SWAP70: variants seen among roughly 807,000 people sequenced by gnomAD.
The protein encoded by SWAP70 is switching B cell complex subunit SWAP70.
A neutral mutation model predicts 80.2 loss-of-function variants in SWAP70; 34 were observed. The ratio of observed to expected loss-of-function variants is 0.42; its 90% CI spans 0.32 to 0.56. The LOEUF (loss-of-function observed/expected upper bound fraction) is 0.56. Ranked by LOEUF, SWAP70 falls within the 20% of genes least tolerant of loss-of-function variation. The pLI is 0.09. For synonymous variants in SWAP70, 239 were observed against 238.5 expected, an observed-to-expected ratio of 1.00 and a Z score of -0.02; for missense variants, 578 against 690.7, an observed-to-expected ratio of 0.84 and a Z score of 1.83.
chr11:9,747,032 G>A (rs569361592), intron 9 of SWAP70, among the ~76,000 whole-genome samples: 1 of 152,316 alleles, frequency 6.6e-6, no homozygotes, highest in East Asian at 1.9e-4. Flanking sequence ...CACTAGATAT[G>A]TATCCTGTCC....
At chr11:9,682,674 T>G (rs958602625) in intron 1 of SWAP70, among the ~76,000 whole-genome samples, 1 of 152,132 alleles carries the variant, frequency 6.6e-6, no homozygotes, top group African/African-American at 2.4e-5. Context: ...CTTGTCTTTA[T>G]TTTTATTTTT....
chr11:9,675,486 A>G (rs745718199), intron 1 of SWAP70, among the ~76,000 whole-genome samples: 9 of 151,886 alleles, frequency 5.9e-5, no homozygotes, highest in Non-Finnish European at 1.3e-4. Context: ...TATGGCTTAC[A>G]TAAACTACAA....
chr11:9,728,294 T>A, intron 5 of SWAP70, 95 bp downstream of exon 5: 1 of 1,211,744 alleles, frequency 8.3e-7, no homozygotes, highest in Non-Finnish European at 1.1e-6. Flanking sequence ...TCTAGAACCT[T>A]AAAATAATCC....
At chr11:9,695,122 C>T (rs1046035953) in intron 2 of SWAP70, among the ~76,000 whole-genome samples, 4 of 152,060 alleles carry the variant, frequency 2.6e-5, no homozygotes, top group African/African-American at 9.7e-5. Context: ...AACCCCATCT[C>T]TATTAAAAAT....
rs201181416 is a variant in SWAP70, at chr11:9,698,093, G to GTTTTTTTTTTTTTTTTTTTTTTTTTTT, written c.240+3813_240+3814insTTTTTTTTTTTTTTTTTTTTTTTTTTT. On this transcript the variant is annotated intron_variant, in intron 2 of 11. Transcript: ENST00000318950. ...GAGCCACCATGCCTGGCCAATACAT[G>GTTTTTTTTTTTTTTTTTTTTTTTTTTT]TTTTTTGTTTTTTTTTTTTTTTTTT... 2.7e-5 allele frequency among the ~76,000 whole-genome samples: 3 copies of GTTTTTTTTTTTTTTTTTTTTTTTTTTT among 109,582 alleles called. 1 individual carries two copies. The highest frequency in any genetic ancestry group is 1.8e-5 in the Non-Finnish European group (1 of 54,876). The allele number at this position is 109,582 out of a possible 152,430, so 71.9% of individuals were successfully genotyped here.
intron 1 of SWAP70, among the ~76,000 whole-genome samples, chr11:9,671,334 A>C (rs1191866343): frequency 8.7e-6 from 1 of 114,864 alleles, no homozygotes; most frequent in Non-Finnish European, 1.6e-5. Flanking sequence ...AAATATATAA[A>C]TATATTTAAA....
rs1472249833 is a variant in SWAP70, at chr11:9,752,114, A to G, written c.*2144A>G. The G allele has an allele frequency of 6.6e-6, 1 of 152,266 alleles. No homozygotes were observed. Among genetic ancestry groups the G allele is most frequent in the Non-Finnish European group, 1.5e-5 (1 of 68,046 alleles). The allele number at this position is 152,266 out of a possible 1,614,324, so 9.4% of individuals were successfully genotyped here. ...CCTCTGTGAAATCTATGGGATGGAA[A>G]CAGTGTGGCCTTAGGAGTCAAATAG... is the stretch of plus-strand genomic sequence containing the variant. On this transcript the variant is annotated 3_prime_UTR_variant, in exon 12 of 12. Coordinates refer to ENST00000318950, the MANE Select transcript of SWAP70 (RefSeq NM_015055.4).
At chr11:9,677,913 TCA>T (rs1850521135) in intron 1 of SWAP70, among the ~76,000 whole-genome samples, 1 of 152,216 alleles carries the variant, frequency 6.6e-6, no homozygotes, top group African/African-American at 2.4e-5. Context: ...ATCTTTTGCC[TCA>T]CAATTGGTTT....
In SWAP70 at chr11:9,732,517, C is replaced by T. The variant is rs201813371; in HGVS notation, c.899-12C>T. 5 of 1,597,262 alleles carry T rather than the reference C, an allele frequency of 3.1e-6. No individual in the cohort carries two copies. The highest frequency in any genetic ancestry group is 2.3e-5 in the East Asian group (1 of 44,340). On this transcript the variant is annotated splice_polypyrimidine_tract_variant and intron_variant, in intron 6 of 11. Coordinates refer to ENST00000318950, the MANE Select transcript of SWAP70 (RefSeq NM_015055.4). ...TCTCCCCATTTTTTTTTTCCTCCTA[C>T]ACCTTTTACAGCCATTCATTCTACT...
intron 7 of SWAP70, 71 bp from the exon 8 acceptor site, chr11:9,738,142 C>T: frequency 9.7e-7 from 1 of 1,025,894 alleles, no homozygotes; most frequent in Non-Finnish European, 1.4e-6. Flanking sequence ...TTAAGTATGA[C>T]TGTCTCTCTC....
chr11:9,691,457 G>A (rs945801901), intron 1 of SWAP70, among the ~76,000 whole-genome samples: 2 of 152,266 alleles, frequency 1.3e-5, no homozygotes, highest in African/African-American at 4.8e-5. Flanking sequence ...AAGTAAAGAT[G>A]GTTAAGAAAA....
chr11:9,714,401 T>TA (rs1851038477), intron 3 of SWAP70, among the ~76,000 whole-genome samples: 1 of 152,250 alleles, frequency 6.6e-6, no homozygotes, highest in South Asian at 2.1e-4. Flanking sequence ...ATTCTGCATT[T>TA]AAAGGGTTTA....
intron 9 of SWAP70, among the ~76,000 whole-genome samples, chr11:9,743,155 T>G (rs1462257255): frequency 6.8e-6 from 1 of 147,724 alleles, no homozygotes; most frequent in Non-Finnish European, 1.5e-5. Context: ...CGGTGTTTGG[T>G]TTTTTGTTCT....
At chr11:9,697,822 A>C (rs1850778095) in intron 2 of SWAP70, among the ~76,000 whole-genome samples, 1 of 152,242 alleles carries the variant, frequency 6.6e-6, no homozygotes, top group African/African-American at 2.4e-5. Context: ...GCTCTGTCGC[A>C]TAGGCTGAAG....
intron 1 of SWAP70, among the ~76,000 whole-genome samples, chr11:9,678,091 C>G (rs1205541645): frequency 6.6e-6 from 1 of 152,146 alleles, no homozygotes; most frequent in Non-Finnish European, 1.5e-5. Flanking sequence ...ACACAATATA[C>G]AAATGTAGTT....
At chr11:9,712,504 G>A (rs1158059435) in intron 2 of SWAP70, among the ~76,000 whole-genome samples, 1 of 151,718 alleles carries the variant, frequency 6.6e-6, no homozygotes, top group East Asian at 1.9e-4. Flanking sequence ...GACCAGCCTG[G>A]GCAATATAGC....
rs369747569 is a variant in SWAP70, at chr11:9,727,038, G to A, written c.643-1015G>A. 1.4e-3 allele frequency: 631 copies of A among 448,766 alleles called. 10 individuals are homozygous for A. Among genetic ancestry groups the A allele is most frequent in the South Asian group, 9.6e-3 (615 of 63,792 alleles). The allele number at this position is 448,766 out of a possible 1,614,324, so 27.8% of individuals were successfully genotyped here. On this transcript the variant is annotated intron_variant, in intron 4 of 11. Coordinates refer to ENST00000318950, the MANE Select transcript of SWAP70 (RefSeq NM_015055.4). Reference sequence around the variant, plus strand: ...CCAAGCTTTAGCATTTTCATTGATTGAGGTTTTACTTACCTCAGTCATTTA... The same window carrying A: ...CCAAGCTTTAGCATTTTCATTGATTAAGGTTTTACTTACCTCAGTCATTTA...
intron 7 of SWAP70, among the ~76,000 whole-genome samples, chr11:9,734,213 C>T (rs1245814652): frequency 6.6e-6 from 1 of 152,174 alleles, no homozygotes; most frequent in Admixed American, 6.5e-5. Context: ...TCATCCCTAA[C>T]CCCTGGAAAC....
Position 9,749,186 on chromosome 11 carries a change from A to G in SWAP70, c.1651+3A>G, listed in dbSNP as rs1851551912. 1.3e-6 allele frequency: 2 copies of G among 1,562,360 alleles called. No homozygotes were observed. The highest frequency in any genetic ancestry group is 1.8e-6 in the Non-Finnish European group (2 of 1,141,494). ...ATTAATTCGACTGATAGAACCAGGT[A>G]ACAGACTCTATGAAGTAATCATATA... is the stretch of plus-strand genomic sequence containing the variant. On this transcript the variant is annotated splice_donor_region_variant and intron_variant, in intron 11 of 11. Coordinates refer to ENST00000318950, the MANE Select transcript of SWAP70 (RefSeq NM_015055.4).
Sources: gnomAD v4.1 joint callset for allele counts (sites outside exome capture counted in the v4.1 genomes callset) on GRCh38, gnomAD v4.1.1 for gene constraint, MANE v1.5 for transcripts, NCBI Gene and HGNC (gene_info 2026-07-23, HGNC 2026-07-21) for gene names.